MSI2: variants seen among roughly 807,000 people sequenced by gnomAD.
The protein encoded by MSI2 is musashi RNA binding protein 2.
Under a neutral mutation model 45.6 loss-of-function variants are expected in MSI2, and 17 were observed. The observed-to-expected ratio is 0.37, with a 90% CI of 0.26 to 0.56. The LOEUF (loss-of-function observed/expected upper bound fraction) is 0.56. Among genes scored for constraint, MSI2 ranks in the 20% least tolerant of loss-of-function variants. MSI2 has a pLI of 0.77. For synonymous variants in MSI2, 156 were observed against 158.2 expected (o/e 0.99, Z 0.11); for missense variants, 293 against 444.2 (o/e 0.66, Z 3.06).
intron 10 of MSI2, chr17:57,632,524 G>T: frequency 9.4e-7 from 1 of 1,066,784 alleles, no homozygotes; most frequent in Non-Finnish European, 1.1e-6. Context: ...TCCCCAGCTC[G>T]CCTCCCTGCC....
intron 5 of MSI2, among the ~76,000 whole-genome samples, chr17:57,289,099 T>C (rs1166612900): frequency 6.6e-6 from 1 of 152,224 alleles, no homozygotes; most frequent in East Asian, 1.9e-4. Flanking sequence ...CAATGAAATA[T>C]TCATGAAATT....
At chr17:57,608,990 A>T (rs1906957068) in intron 8 of MSI2, among the ~76,000 whole-genome samples, 1 of 152,132 alleles carries the variant, frequency 6.6e-6, no homozygotes, top group Admixed American at 6.6e-5. Context: ...CTGTGCAGGG[A>T]GGTATGTGTG....
At chr17:57,264,611 C>T (rs759821466) in intron 5 of MSI2, 2 of 152,210 alleles carry the variant, frequency 1.3e-5, no homozygotes, top group Non-Finnish European at 2.9e-5. Flanking sequence ...ATATGCCAGG[C>T]ACTATTGCAG....
chr17:57,359,487 A>G (rs922366876), intron 5 of MSI2, among the ~76,000 whole-genome samples: 7 of 152,188 alleles, frequency 4.6e-5, no homozygotes, highest in African/African-American at 1.7e-4. Context: ...TTCTTCAACT[A>G]TAAAATGGAT....
chr17:57,524,554 T>C (rs1338396774), intron 6 of MSI2, among the ~76,000 whole-genome samples: 2 of 152,248 alleles, frequency 1.3e-5, no homozygotes, highest in African/African-American at 4.8e-5. Flanking sequence ...GACATGAGTT[T>C]ATCTGTGAAT....
At position 57,679,597 on chromosome 17, in the gene MSI2, C is replaced by G. The variant is rs1913477347; in HGVS notation, c.*80C>G. ...GACTGGGCGAAGTTTCTGAGTGGCCCTTTGTTTAGGTGATGTCCTCAGACC... is the reference window on the plus strand; with the variant it reads ...GACTGGGCGAAGTTTCTGAGTGGCCGTTTGTTTAGGTGATGTCCTCAGACC... On this transcript the variant is annotated 3_prime_UTR_variant, in exon 14 of 14. Transcript: ENST00000284073. The G allele has an allele frequency of 1.9e-6, 2 of 1,062,586 alleles. No individual in the cohort carries two copies. The highest frequency in any genetic ancestry group is 1.6e-5 in the African/African-American group (1 of 61,030). The allele number at this position is 1,062,586 out of a possible 1,614,324, so 65.8% of individuals were successfully genotyped here.
intron 7 of MSI2, among the ~76,000 whole-genome samples, chr17:57,566,724 A>G (rs1422994577): frequency 6.6e-6 from 1 of 152,190 alleles, no homozygotes; most frequent in African/African-American, 2.4e-5. Flanking sequence ...CTGAGAAAAG[A>G]ACTCAACGAA....
In MSI2 at chr17:57,258,305, G is replaced by A. The variant is rs1417072427; in HGVS notation, c.221G>A (p.Ser74Asn). 3 of 1,614,226 alleles carry A rather than the reference G, an allele frequency of 1.9e-6. No individual in the cohort carries two copies. Among genetic ancestry groups the A allele is most frequent in the Non-Finnish European group, 1.7e-6 (2 of 1,180,034 alleles). ...TTCGTCACGTTCGCAGACCCAGCAA[G>A]TGTAGATAAAGTATTAGGTCAGCCC... ...FGFVTFADPA[S>N]VDKVLGQPHH... Residue 74 changes from serine to asparagine, a missense_variant, in exon 4 of 14, where the codon AGT (serine) becomes AAT (asparagine). Physicochemically the swap from Ser to Asn is conservative, Grantham distance 46. Transcript: ENST00000284073.
chr17:57,614,596 T>G (rs951619410), intron 8 of MSI2, among the ~76,000 whole-genome samples: 1 of 152,224 alleles, frequency 6.6e-6, no homozygotes, highest in African/African-American at 2.4e-5. Context: ...TCCGTCACTA[T>G]CAGGCGGCCA....
the MSI2 span, among the ~76,000 whole-genome samples, chr17:57,693,307 C>T: frequency 2.6e-5 from 4 of 152,176 alleles, no homozygotes; most frequent in Admixed American, 1.3e-4. Context: ...CTCAGCCTCC[C>T]GAGTAGCTGG....
Position 57,667,139 on chromosome 17 carries a change from G to A in MSI2, c.791-7833G>A, listed in dbSNP as rs376639427. Among the ~76,000 whole-genome samples, 136 of 152,298 alleles carry A rather than the reference G, an allele frequency of 8.9e-4. 1 individual carries two copies. The highest frequency in any genetic ancestry group is 3.0e-3 in the African/African-American group (124 of 41,554). On this transcript the variant is annotated intron_variant, in intron 11 of 13. Coordinates refer to ENST00000284073, the MANE Select transcript of MSI2 (RefSeq NM_138962.4). Reference sequence around the variant, plus strand: ...TGGCATCTCGCCTCCCCAGGGCTGCGTGCCCAGCTGCTGGGTGGTTCAATG... The same window carrying A: ...TGGCATCTCGCCTCCCCAGGGCTGCATGCCCAGCTGCTGGGTGGTTCAATG...
At chr17:57,649,191 AAT>A (rs1910929386) in intron 10 of MSI2, among the ~76,000 whole-genome samples, 2 of 152,112 alleles carry the variant, frequency 1.3e-5, no homozygotes, top group African/African-American at 4.8e-5. Context: ...ACATGTACAC[AAT>A]ACGTACACTC....
chr17:57,343,605 T>C (rs938027859), intron 5 of MSI2, among the ~76,000 whole-genome samples: 2 of 152,150 alleles, frequency 1.3e-5, no homozygotes, highest in Non-Finnish European at 2.9e-5. Context: ...AAATCCAGCA[T>C]TGATACAGTG....
At chr17:57,557,935 T>C (rs541122880) in intron 7 of MSI2, among the ~76,000 whole-genome samples, 2 of 152,320 alleles carry the variant, frequency 1.3e-5, no homozygotes, top group African/African-American at 4.8e-5. Context: ...TCTCCTTGGG[T>C]GCTGAGGACC....
At chr17:57,291,240 C>A (rs1315521479) in intron 5 of MSI2, among the ~76,000 whole-genome samples, 1 of 152,162 alleles carries the variant, frequency 6.6e-6, no homozygotes, top group Non-Finnish European at 1.5e-5. Context: ...TAGCAAGGAG[C>A]AGATTGCCAA....
intron 6 of MSI2, among the ~76,000 whole-genome samples, chr17:57,426,195 A>G (rs1209559431): frequency 6.6e-6 from 1 of 152,190 alleles, no homozygotes; most frequent in Non-Finnish European, 1.5e-5. Flanking sequence ...GGATGTGTTT[A>G]GTCGTGATTT....
chr17:57,453,570 C>T (rs1032020424), intron 6 of MSI2, among the ~76,000 whole-genome samples: 6 of 152,212 alleles, frequency 3.9e-5, no homozygotes, highest in African/African-American at 1.2e-4. Context: ...TTAATGCCAA[C>T]ATCAGAAGAG....
intron 10 of MSI2, among the ~76,000 whole-genome samples, chr17:57,642,752 G>C (rs758653608): frequency 6.6e-6 from 1 of 152,204 alleles, no homozygotes; most frequent in Admixed American, 6.5e-5. Flanking sequence ...CAAGCACTCA[G>C]TATTTACTGG....
intron 5 of MSI2, among the ~76,000 whole-genome samples, chr17:57,286,218 A>G (rs917167229): frequency 2.0e-5 from 3 of 152,084 alleles, no homozygotes; most frequent in African/African-American, 7.2e-5. Flanking sequence ...GACATTAAGG[A>G]AACAACAAAT....
Sources: allele counts gnomAD v4.1 joint callset (sites outside exome capture counted in the v4.1 genomes callset), GRCh38; gene constraint gnomAD v4.1.1; transcripts MANE v1.5; gene names NCBI Gene and HGNC (gene_info 2026-07-23, HGNC 2026-07-21).